The following CACNA1E variants were observed in gnomAD, a reference collection of about 807,000 sequenced individuals.
CACNA1E encodes voltage-dependent R-type calcium channel subunit alpha-1E.
A neutral mutation model predicts 259.2 loss-of-function variants in CACNA1E; 40 were observed. That is an observed-to-expected ratio of 0.15 (90% confidence interval 0.12 to 0.20). The LOEUF is 0.20. CACNA1E is among the 10% of genes least tolerant of loss of function. The probability of loss-of-function intolerance (pLI) is 1.00; values close to 1 mark genes in which losing one functional copy is unlikely to be tolerated. For missense variants in CACNA1E, 1,874 were observed against 3,040.1 expected (o/e 0.62, Z 9.02); for synonymous variants, 1,104 against 1,138.5 (o/e 0.97, Z 0.61).
intron 1 of CACNA1E, among the ~76,000 whole-genome samples, chr1:181,369,995 T>G (rs1264502057): frequency 1.3e-5 from 2 of 151,012 alleles, no homozygotes; most frequent in East Asian, 4.0e-4. Context: ...TGCTCTTCCC[T>G]TCTTTGTGTC....
At chr1:181,583,694 A>G (rs959543993) in intron 6 of CACNA1E, among the ~76,000 whole-genome samples, 1 of 152,126 alleles carries the variant, frequency 6.6e-6, no homozygotes, top group African/African-American at 2.4e-5. Context: ...TTTTCTCATT[A>G]TAATGAATTG....
chr1:181,459,233 A>G (rs1026911614), intron 2 of CACNA1E, among the ~76,000 whole-genome samples: 5 of 152,258 alleles, frequency 3.3e-5, no homozygotes, highest in Admixed American at 1.3e-4. Flanking sequence ...CAACTAGCTT[A>G]ATGCCCTAAG....
At chr1:181,754,420 T>C (rs1217531670) in intron 27 of CACNA1E, among the ~76,000 whole-genome samples, 1 of 152,188 alleles carries the variant, frequency 6.6e-6, no homozygotes, top group Non-Finnish European at 1.5e-5. Context: ...TGGGGCTAGA[T>C]TGTCCTGTGA....
At chr1:181,734,596 T>C (rs1655852827) in intron 21 of CACNA1E, among the ~76,000 whole-genome samples, 1 of 138,024 alleles carries the variant, frequency 7.2e-6, no homozygotes, top group Non-Finnish European at 1.6e-5. Flanking sequence ...CTACACCCTA[T>C]CCTTGCCCTG....
At chr1:181,618,037 C>A (rs1655383838) in intron 6 of CACNA1E, among the ~76,000 whole-genome samples, 1 of 152,060 alleles carries the variant, frequency 6.6e-6, no homozygotes, top group South Asian at 2.1e-4. Context: ...CTTCAGAGGC[C>A]CAAAGATGTA....
At chr1:181,364,916 C>A (rs752071917) in intron 1 of CACNA1E, among the ~76,000 whole-genome samples, 1 of 152,198 alleles carries the variant, frequency 6.6e-6, no homozygotes, top group East Asian at 1.9e-4. Flanking sequence ...CCCCTTCCTG[C>A]CAGCAGGGCT....
intron 22 of CACNA1E, among the ~76,000 whole-genome samples, 178 bp from the exon 23 acceptor site, chr1:181,737,347 C>T (rs1656138293): frequency 6.6e-6 from 1 of 152,240 alleles, no homozygotes; most frequent in African/African-American, 2.4e-5. Flanking sequence ...GATTACCTTC[C>T]TCCACTGGGG....
chr1:181,495,006 C>T (rs973187213), intron 1 of CACNA1E, among the ~76,000 whole-genome samples: 5 of 152,304 alleles, frequency 3.3e-5, no homozygotes, highest in Admixed American at 3.3e-4. Flanking sequence ...TTGTCACATG[C>T]TTTACTGAAA....
At chr1:181,446,719 G>T (rs1660812876) in intron 2 of CACNA1E, among the ~76,000 whole-genome samples, 1 of 151,704 alleles carries the variant, frequency 6.6e-6, no homozygotes, top group African/African-American at 2.4e-5. Context: ...CTCGTATCTT[G>T]TTGTCTGGTT....
At chr1:181,440,960 G>A (rs1660424177) in intron 2 of CACNA1E, among the ~76,000 whole-genome samples, 2 of 122,658 alleles carry the variant, frequency 1.6e-5, no homozygotes, top group Admixed American at 1.0e-4. Context: ...CAGCCTGGGT[G>A]AGAGAGCGAG....
intron 7 of CACNA1E, among the ~76,000 whole-genome samples, chr1:181,673,916 C>T (rs1395496168): frequency 6.6e-6 from 1 of 152,114 alleles, no homozygotes; most frequent in Non-Finnish European, 1.5e-5. Context: ...GCCTTGCTGC[C>T]CTTCACCCTG....
At chr1:181,505,940 A>C (rs1300752583) in intron 1 of CACNA1E, among the ~76,000 whole-genome samples, 1 of 152,210 alleles carries the variant, frequency 6.6e-6, no homozygotes, top group Non-Finnish European at 1.5e-5. Context: ...TGAGGCAGGC[A>C]AGGTCCTGCC....
chr1:181,341,890 G>A (rs59292540), intron 1 of CACNA1E, among the ~76,000 whole-genome samples: 14,645 of 152,218 alleles, frequency 0.096, 817 homozygotes, highest in East Asian at 0.15. Context: ...TCCAGGTGCT[G>A]AGAATGCAGC....
At chr1:181,608,308 G>A (rs73057724) in intron 6 of CACNA1E, among the ~76,000 whole-genome samples, 2,611 of 152,310 alleles carry the variant, frequency 0.017, 58 homozygotes, top group African/African-American at 0.056. Context: ...GGTAAGGATA[G>A]TGATGGGAGA....
At chr1:181,498,558 A>C (rs1011805692) in intron 1 of CACNA1E, among the ~76,000 whole-genome samples, 2 of 152,194 alleles carry the variant, frequency 1.3e-5, no homozygotes, top group African/African-American at 4.8e-5. Flanking sequence ...AGTTGTAATC[A>C]TGTATGCTCT....
intron 1 of CACNA1E, among the ~76,000 whole-genome samples, chr1:181,400,569 C>T (rs1408105702): frequency 6.6e-6 from 1 of 152,174 alleles, no homozygotes; most frequent in Non-Finnish European, 1.5e-5. Flanking sequence ...CCTGTCTCCT[C>T]CTTGCCCAAG....
intron 2 of CACNA1E, among the ~76,000 whole-genome samples, chr1:181,446,922 C>G (rs568497626): frequency 1.3e-5 from 2 of 152,114 alleles, no homozygotes; most frequent in Admixed American, 6.5e-5. Flanking sequence ...GAGTGCTGTT[C>G]TTTTGAACTG....
At chr1:181,343,994 T>A (rs906730531) in intron 1 of CACNA1E, among the ~76,000 whole-genome samples, 2 of 152,130 alleles carry the variant, frequency 1.3e-5, no homozygotes, top group Non-Finnish European at 2.9e-5. Context: ...CACCCTTCAA[T>A]CAGCTTGCAT....
chr1:181,529,785 A>G (rs1354288670), intron 3 of CACNA1E, among the ~76,000 whole-genome samples: 1 of 152,188 alleles, frequency 6.6e-6, no homozygotes, highest in South Asian at 2.1e-4. Context: ...TATTCCCCCA[A>G]TACCTGTACC....
Sources: gnomAD v4.1 joint callset for allele counts (sites outside exome capture counted in the v4.1 genomes callset) on GRCh38, gnomAD v4.1.1 for gene constraint, MANE v1.5 for transcripts, NCBI Gene and HGNC (gene_info 2026-07-23, HGNC 2026-07-21) for gene names.